Variants in B4GALT3 observed in about 807,000 individuals in gnomAD.
B4GALT3 encodes the protein beta-1,4-galactosyltransferase 3, also known as N-acetyllactosamine synthase.
In B4GALT3, 29 loss-of-function variants were observed where a neutral mutation model predicts 40.7. The ratio of observed to expected loss-of-function variants is 0.71; its 90% CI spans 0.53 to 0.97. B4GALT3 has a LOEUF of 0.97. B4GALT3 is among the 50% of genes least tolerant of loss of function. The pLI is 0.00. For synonymous variants in B4GALT3, 182 were observed against 203.9 expected (o/e 0.89, Z 0.92); for missense variants, 390 against 522.3 (o/e 0.75, Z 2.47).
chr1:161,173,264 C>T (rs930850868), intron 6 of B4GALT3, among the ~76,000 whole-genome samples: 2 of 152,032 alleles, frequency 1.3e-5, no homozygotes, highest in African/African-American at 4.8e-5. Flanking sequence ...CAGAGCCCCT[C>T]TCTCCTAACC....
intron 4 of B4GALT3, 123 bp downstream of exon 4, chr1:161,174,870 C>T (rs1046065428): frequency 9.5e-6 from 10 of 1,055,398 alleles, no homozygotes; most frequent in East Asian, 2.5e-5. Context: ...TGCTTCTCCA[C>T]ACTCTAACAG....
At chr1:161,174,205 A>G (rs891716678) in intron 4 of B4GALT3, among the ~76,000 whole-genome samples, 156 bp from the exon 5 acceptor site, 2 of 152,172 alleles carry the variant, frequency 1.3e-5, no homozygotes, top group Non-Finnish European at 2.9e-5. Flanking sequence ...CAGGAGATTG[A>G]GACCACCCTG....
Position 161,176,083 on chromosome 1 carries a change from G to C in B4GALT3, c.-14-9C>G, listed in dbSNP as rs369834383. 6.2e-6 allele frequency: 10 copies of C among 1,611,896 alleles called. No individual in the cohort carries two copies. Among genetic ancestry groups the C allele is most frequent in the Middle Eastern group, 1.7e-4 (1 of 6,038 alleles). On this transcript the variant is annotated splice_polypyrimidine_tract_variant and intron_variant, in intron 2 of 7. Coordinates refer to ENST00000319769, the MANE Select transcript of B4GALT3 (RefSeq NM_003779.4). ...CATCCTGGGGGTGAGATCTAGGGAG[G>C]GAGAGGGGAATTCTGGGGGTAGGCA...
At position 161,176,527 on chromosome 1, in the gene B4GALT3, C is replaced by T. The variant is rs1663579707; in HGVS notation, c.-108G>A. ...GCATTATCTAAAATTGGAAATGTCA[C>T]AGAGGGCAGAGAAAGGCTCCATCCA... On this transcript the variant is annotated 5_prime_UTR_variant, in exon 2 of 8. It adds an upstream start codon to the 5' untranslated region. Coordinates refer to ENST00000319769, the MANE Select transcript of B4GALT3 (RefSeq NM_003779.4). 2 of 415,290 alleles carry T rather than the reference C, an allele frequency of 4.8e-6. No homozygotes were observed. The highest frequency in any genetic ancestry group is 9.2e-5 in the East Asian group (2 of 21,822). The allele number at this position is 415,290 out of a possible 1,614,324, so 25.7% of individuals were successfully genotyped here.
In B4GALT3 at chr1:161,171,741, A is replaced by C; in HGVS notation, c.*75T>G. On this transcript the variant is annotated 3_prime_UTR_variant, in exon 8 of 8. Coordinates refer to ENST00000319769, the MANE Select transcript of B4GALT3 (RefSeq NM_003779.4). ...AGTTCCCTCACATCCCTCTGAGAAC[A>C]GTGAGGAGCTGAGGGTGGGGAGAAT... The C allele has an allele frequency of 1.3e-6, 2 of 1,550,058 alleles. No homozygotes were observed. The highest frequency in any genetic ancestry group is 1.8e-6 in the Non-Finnish European group (2 of 1,136,966).
chr1:161,176,319 TCTA>T (rs1360762711), intron 2 of B4GALT3, 112 bp downstream of exon 2: 1 of 568,678 alleles, frequency 1.8e-6, no homozygotes, highest in African/African-American at 1.9e-5. Flanking sequence ...ACTCCCACCA[TCTA>T]CTGTCAGTCC....
At chr1:161,177,845 C>T (rs1664132107), upstream of B4GALT3, 1 of 152,290 alleles carries the variant, frequency 6.6e-6, no homozygotes, top group Non-Finnish European at 1.5e-5. Context: ...GCTGAGCCCT[C>T]TCCCAGTGTG....
rs369059528 is a variant in B4GALT3 at position 161,176,039 on chromosome 1, G to A, written c.22C>T (p.Arg8Trp). The A allele has an allele frequency of 2.5e-6, 4 of 1,614,098 alleles. No individual in the cohort carries two copies. The highest frequency in any genetic ancestry group is 4.5e-5 in the East Asian group (2 of 44,878). Residue 8 changes from arginine (R) to tryptophan (W), a missense_variant, in exon 3 of 8, where the codon CGG becomes TGG. Coordinates refer to ENST00000319769, the MANE Select transcript of B4GALT3 (RefSeq NM_003779.4). The part of the protein sequence containing the change: MLRRLLE[R>W]PCTLALLVGS... The stretch of plus-strand genomic sequence containing the variant: ...ACAAGCAGGGCCAGCGTGCAAGGCC[G>A]CTCCAGCAGCCTCCGCAACATCCTG...
rs748981503 is a variant in B4GALT3 at position 161,173,904 on chromosome 1, C to T, written c.635G>A (p.Arg212Gln). Residue 212 changes from arginine to glutamine, a missense_variant, in exon 5 of 8, where the codon CGG becomes CAG. This residue lies in a region of B4GALT3 where 135 missense variants were observed against 227.8 expected (regional missense o/e 0.59). Coordinates refer to ENST00000319769, the MANE Select transcript of B4GALT3 (RefSeq NM_003779.4). ...AGCAACGGCAACATGGCGGGGTCCCCGGGGGTCACACACATACAGATTGTG... is the reference window on the plus strand; with the variant it reads ...AGCAACGGCAACATGGCGGGGTCCCTGGGGGTCACACACATACAGATTGTG... ...NDHNLYVCDP[R>Q]GPRHVAVAMN... 26 of 1,614,016 alleles carry T rather than the reference C, an allele frequency of 1.6e-5. No homozygotes were observed. Among genetic ancestry groups the T allele is most frequent in the African/African-American group, 1.1e-4 (8 of 74,914 alleles).
intron 6 of B4GALT3, 100 bp from the exon 7 acceptor site, chr1:161,172,431 T>G: frequency 9.7e-7 from 1 of 1,029,046 alleles, no homozygotes; most frequent in Non-Finnish European, 1.4e-6. Flanking sequence ...TATTACTTAG[T>G]AGGCAAAAGA....
In B4GALT3 at chr1:161,172,306, A is replaced by G; in HGVS notation, c.829T>C (p.Ser277Pro). Reference sequence around the variant, plus strand: ...TGTCCTACAGATGTGGGGGGCCGAGAGATCTTCATCCCAGCCAGGCGCACC... The same window carrying G: ...TGTCCTACAGATGTGGGGGGCCGAGGGATCTTCATCCCAGCCAGGCGCACC... ...TRVRLAGMKISRPPTSVGHYK... is the reference protein window; with the variant it reads ...TRVRLAGMKIPRPPTSVGHYK... Residue 277 changes from serine to proline, a missense_variant, in exon 7 of 8, where the codon TCT becomes CCT. Physicochemically the swap from Ser to Pro is moderately conservative, Grantham distance 74. Around this residue, in one of 3 missense-constraint regions of B4GALT3, gnomAD observed 135 missense variants for 227.8 expected, o/e 0.59. Coordinates refer to ENST00000319769, the MANE Select transcript of B4GALT3 (RefSeq NM_003779.4). 1 of 1,614,042 alleles carries G rather than the reference A, an allele frequency of 6.2e-7. No homozygotes were observed. The highest frequency in any genetic ancestry group is 8.5e-7 in the Non-Finnish European group (1 of 1,179,986).
In B4GALT3 at chr1:161,171,513, G is replaced by A; in HGVS notation, c.*303C>T. On this transcript the variant is annotated 3_prime_UTR_variant, in exon 8 of 8. Coordinates refer to ENST00000319769, the MANE Select transcript of B4GALT3 (RefSeq NM_003779.4). ...GATCACTCTTCTCTCCATGGAAGAG[G>A]GAGGGGCTTGGGGTCCAGCCCTGCT... is the stretch of plus-strand genomic sequence containing the variant. 2 of 577,842 alleles carry A rather than the reference G, an allele frequency of 3.5e-6. No homozygotes were observed. The highest frequency in any genetic ancestry group is 6.1e-6 in the Non-Finnish European group (2 of 327,466). The allele number at this position is 577,842 out of a possible 1,614,324, so 35.8% of individuals were successfully genotyped here. A position where few individuals can be genotyped will look rare whatever the true frequency, so the allele number is the denominator to read the frequency against.
In B4GALT3 at chr1:161,175,010, T is replaced by C; in HGVS notation, c.472A>G (p.Ile158Val). The C allele has an allele frequency of 6.2e-7, 1 of 1,613,660 alleles. No homozygotes were observed. The highest frequency in any genetic ancestry group is 1.3e-5 in the African/African-American group (1 of 75,028). Residue 158 changes from isoleucine (I) to valine (V), a missense_variant, in exon 4 of 8, where the codon ATC (isoleucine) becomes GTC (valine). This residue lies in a region of B4GALT3 where 183 missense variants were observed against 223.2 expected (regional missense o/e 0.82). Coordinates refer to ENST00000319769, the MANE Select transcript of B4GALT3 (RefSeq NM_003779.4). ...GGGGGTACCTGGTGGATGACATAGATGCCATAAGCAAGCTGCTGGCGCTGC... is the reference window on the plus strand; with the variant it reads ...GGGGGTACCTGGTGGATGACATAGACGCCATAAGCAAGCTGCTGGCGCTGC... Reference protein sequence around the residue: ...FLQRQQLAYGIYVIHQAGNGT... With the variant: ...FLQRQQLAYGVYVIHQAGNGT...
chr1:161,176,879 CAT>C, intron 1 of B4GALT3: 1 of 1,536,170 alleles, frequency 6.5e-7, no homozygotes, highest in Non-Finnish European at 8.7e-7. Context: ...GCGACAGAGT[CAT>C]GACAGGACCG....
chr1:161,174,615 T>C (rs1662798386), intron 4 of B4GALT3, among the ~76,000 whole-genome samples: 1 of 152,208 alleles, frequency 6.6e-6, no homozygotes. Context: ...AATGGTGTGG[T>C]GTGGAACAGA....
Position 161,171,368 on chromosome 1 carries a change from C to G in B4GALT3, c.*448G>C. 2.0e-6 allele frequency: 2 copies of G among 989,964 alleles called. No individual in the cohort carries two copies. The highest frequency in any genetic ancestry group is 3.0e-6 in the Non-Finnish European group (2 of 670,850). 61.3% of individuals were successfully genotyped at this position (989,964 alleles called of 1,614,324 possible). ...AAAATCCCAGCCCCCTGAGCCAGGA[C>G]CAGAAGAGGGAGCTATTCCAGCATA... On this transcript the variant is annotated 3_prime_UTR_variant, in exon 8 of 8. Coordinates refer to ENST00000319769, the MANE Select transcript of B4GALT3 (RefSeq NM_003779.4).
Position 161,171,793 on chromosome 1 carries a change from T to TTAAGGTA in B4GALT3, c.*16_*22dup, listed in dbSNP as rs1661525509. On this transcript the variant is annotated 3_prime_UTR_variant, in exon 8 of 8. Coordinates refer to ENST00000319769, the MANE Select transcript of B4GALT3 (RefSeq NM_003779.4). ...CAACCCCATGAATTCGGTTTCATGA[T>TTAAGGTA]TAAGGTAGACAGGAAGGAGGAGTCA... 6.2e-7 allele frequency: 1 copy of TTAAGGTA among 1,612,480 alleles called. No homozygotes were observed.
chr1:161,174,972 T>A, intron 4 of B4GALT3, 21 bp downstream of exon 4: 1 of 1,608,348 alleles, frequency 6.2e-7, no homozygotes, highest in Non-Finnish European at 8.5e-7. Flanking sequence ...TCAGTCAAAA[T>A]GAGGTGGAGA....
chr1:161,175,074 G>A lies in B4GALT3; in HGVS notation c.408C>T (p.His136=), dbSNP rs764160489. 2.5e-6 allele frequency: 4 copies of A among 1,613,962 alleles called. No individual in the cohort carries two copies. The highest frequency in any genetic ancestry group is 3.4e-6 in the Non-Finnish European group (4 of 1,179,966). ...GGTGGTAGAGCAGCAGGCGCAGGTG[G>A]TGCTCCCGGGCACGATGAGGCACAA... The part of the protein sequence containing the change: ...AIIVPHRARE[H]HLRLLLYHLH... The change falls in exon 4 of 8, where the codon CAC becomes CAT. Residue 136 remains histidine, a synonymous_variant. Coordinates refer to ENST00000319769, the MANE Select transcript of B4GALT3 (RefSeq NM_003779.4).
Sources: allele counts gnomAD v4.1 joint callset (sites outside exome capture counted in the v4.1 genomes callset), GRCh38; gene constraint gnomAD v4.1.1; regional missense constraint gnomAD v4.1.1; transcripts MANE v1.5; gene names NCBI Gene and HGNC (gene_info 2026-07-23, HGNC 2026-07-21).